Variants in KIAA1217 observed in about 807,000 individuals in gnomAD.
The protein encoded by KIAA1217 is KIAA1217.
A neutral mutation model predicts 163.9 loss-of-function variants in KIAA1217; 88 were observed. The observed-to-expected ratio is 0.54, with a 90% CI of 0.45 to 0.64. The LOEUF (loss-of-function observed/expected upper bound fraction) is 0.64. KIAA1217 is among the 30% of genes least tolerant of loss of function. The pLI is 0.00. For missense variants in KIAA1217, 2,372 were observed against 2,475.0 expected, an observed-to-expected ratio of 0.96 and a Z score of 0.88; for synonymous variants, 903 against 923.1, an observed-to-expected ratio of 0.98 and a Z score of 0.39.
chr10:24,021,677 T>C (rs1347542554), intron 2 of KIAA1217, among the ~76,000 whole-genome samples: 1 of 151,904 alleles, frequency 6.6e-6, no homozygotes, highest in African/African-American at 2.4e-5. Flanking sequence ...GGAGTGATAC[T>C]ATCCAACTTC....
At chr10:23,853,507 A>G (rs1403710952) in intron 1 of KIAA1217, among the ~76,000 whole-genome samples, 2 of 152,150 alleles carry the variant, frequency 1.3e-5, no homozygotes, top group African/African-American at 2.4e-5. Flanking sequence ...TGGCTTTGGT[A>G]TCAGGATGAT....
chr10:24,421,870 A>C (rs2058758213), intron 3 of KIAA1217, among the ~76,000 whole-genome samples: 1 of 152,188 alleles, frequency 6.6e-6, no homozygotes, highest in Admixed American at 6.5e-5. Flanking sequence ...TGCTTTACTA[A>C]TATTTTATTT....
chr10:24,067,834 G>A (rs1365066151), intron 2 of KIAA1217, among the ~76,000 whole-genome samples: 3 of 152,210 alleles, frequency 2.0e-5, no homozygotes, highest in South Asian at 2.1e-4. Flanking sequence ...ACTCAAGCCT[G>A]AGCAATGGCG....
intron 3 of KIAA1217, among the ~76,000 whole-genome samples, chr10:24,391,333 CTTTTTTTTTTTT>C (rs768727392): frequency 6.7e-5 from 2 of 29,890 alleles, no homozygotes; most frequent in Non-Finnish European, 1.0e-4. Context: ...TTCTTTCTTT[CTTTTTTTTTTTT>C]TTTTTTTTTT....
At chr10:24,205,771 T>TC, upstream of KIAA1217, among the ~76,000 whole-genome samples, 1 of 108,390 alleles carries the variant, frequency 9.2e-6, no homozygotes, top group East Asian at 2.4e-4. Flanking sequence ...AGATGCTGTC[T>TC]CAAAAAAAAA....
At chr10:24,267,959 T>C (rs1046339240) in intron 2 of KIAA1217, among the ~76,000 whole-genome samples, 1 of 152,236 alleles carries the variant, frequency 6.6e-6, no homozygotes, top group Non-Finnish European at 1.5e-5. Flanking sequence ...AAAGAGATAA[T>C]GTGCCTTCTG....
At chr10:24,465,868 G>T (rs896542651) in intron 5 of KIAA1217, among the ~76,000 whole-genome samples, 1 of 152,106 alleles carries the variant, frequency 6.6e-6, no homozygotes, top group Non-Finnish European at 1.5e-5. Flanking sequence ...GGGGCAGAAG[G>T]GCTCTGGTTT....
intron 2 of KIAA1217, among the ~76,000 whole-genome samples, chr10:24,173,541 A>C (rs886924407): frequency 2.6e-4 from 39 of 152,172 alleles, no homozygotes; most frequent in Non-Finnish European, 5.6e-4. Flanking sequence ...AAAGTTACCA[A>C]GACTACTTAG....
intron 2 of KIAA1217, among the ~76,000 whole-genome samples, chr10:24,311,206 A>G (rs2042649155): frequency 6.6e-6 from 1 of 152,120 alleles, no homozygotes; most frequent in African/African-American, 2.4e-5. Context: ...ACGTGATGCA[A>G]CCTCAGGATC....
intron 2 of KIAA1217, among the ~76,000 whole-genome samples, chr10:24,369,180 T>TGTGTGC (rs1491332639): frequency 3.2e-5 from 1 of 30,972 alleles, no homozygotes; most frequent in African/African-American, 1.0e-3. Flanking sequence ...ACTTTCACTA[T>TGTGTGC]GTGTGTGTGT....
At chr10:23,756,220 T>C (rs1011157072) in intron 1 of KIAA1217, among the ~76,000 whole-genome samples, 3 of 151,668 alleles carry the variant, frequency 2.0e-5, no homozygotes, top group African/African-American at 4.8e-5. Context: ...ACTTCAGCCT[T>C]CCAAAATGCT....
At chr10:24,403,050 A>G (rs1225561576) in intron 3 of KIAA1217, among the ~76,000 whole-genome samples, 1 of 151,982 alleles carries the variant, frequency 6.6e-6, no homozygotes, top group East Asian at 1.9e-4. Context: ...CACTTAATAC[A>G]AAAAAAACTC....
At chr10:24,152,765 G>A (rs2064680883) in intron 2 of KIAA1217, among the ~76,000 whole-genome samples, 1 of 150,718 alleles carries the variant, frequency 6.6e-6, no homozygotes, top group African/African-American at 2.4e-5. Flanking sequence ...AGATTGTGCT[G>A]ATTTATTTTA....
In KIAA1217 at chr10:24,473,792, C is replaced by A. The variant is rs768198773; in HGVS notation, c.1411C>A (p.Pro471Thr). 1 of 1,614,128 alleles carries A rather than the reference C, an allele frequency of 6.2e-7. No individual in the cohort carries two copies. The highest frequency in any genetic ancestry group is 1.1e-5 in the South Asian group (1 of 91,082). The change falls in exon 6 of 21, where the codon CCC becomes ACC. Residue 471 changes from proline to threonine, a missense_variant. Transcript: ENST00000376454. ...TTTGCCTACACTGGGCTCCAAAACACCCCCTGCCTCTCCTCACAGAGTCAG... is the reference window on the plus strand; with the variant it reads ...TTTGCCTACACTGGGCTCCAAAACAACCCCTGCCTCTCCTCACAGAGTCAG... ...SHLPTLGSKT[P>T]PASPHRVSDL...
intron 1 of KIAA1217, among the ~76,000 whole-genome samples, chr10:23,873,541 G>A (rs562982663): frequency 2.6e-5 from 4 of 152,054 alleles, no homozygotes; most frequent in South Asian, 2.1e-4. Flanking sequence ...TTAGGTAAAC[G>A]GATCTAAGCA....
rs10676755 is a variant in KIAA1217 at position 23,737,365 on chromosome 10, A to AT, written c.-321+42140dup. Among the ~76,000 whole-genome samples, 11 of 149,756 alleles carry AT rather than the reference A, an allele frequency of 7.3e-5. No individual in the cohort carries two copies. In the South Asian group the frequency reaches 1.0e-3, roughly 14 times the overall value. ...AGGTGCGCACCACCATGCCTAGCTA[A>AT]TTTTTTTTTAGTAGAGACGGGGTTT... is the stretch of plus-strand genomic sequence containing the variant. On this transcript the variant is annotated intron_variant, in intron 1 of 18. Coordinates refer to the KIAA1217 transcript ENST00000376462.
At chr10:23,985,577 C>T (rs983854137) in intron 1 of KIAA1217, among the ~76,000 whole-genome samples, 17 of 152,180 alleles carry the variant, frequency 1.1e-4, no homozygotes, top group African/African-American at 4.1e-4. Context: ...TTGATCTCAT[C>T]ATCAACGCTG....
At position 24,472,059 on chromosome 10, in the gene KIAA1217, G is replaced by C. The variant is rs1592211179; in HGVS notation, c.847-1169G>C. Among the ~76,000 whole-genome samples the C allele has an allele frequency of 2.0e-5, 3 of 152,238 alleles. No homozygotes were observed. In the South Asian group the frequency reaches 6.2e-4, roughly 32 times the overall value. ...TGTATTCACATAATCAAGTAAGCTA[G>C]AGAAAAGCAAATGTTCTTAAGTAAA... On this transcript the variant is annotated intron_variant, in intron 5 of 20. Coordinates refer to ENST00000376454, the MANE Select transcript of KIAA1217 (RefSeq NM_019590.5).
chr10:24,526,208 G>A (rs986133674), intron 13 of KIAA1217, among the ~76,000 whole-genome samples: 11 of 151,832 alleles, frequency 7.2e-5, no homozygotes, highest in East Asian at 1.9e-4. Context: ...TGGGTATATC[G>A]AGACGACCTG....
Sources: gnomAD v4.1 joint callset for allele counts (sites outside exome capture counted in the v4.1 genomes callset) on GRCh38, gnomAD v4.1.1 for gene constraint, MANE v1.5 for transcripts, NCBI Gene and HGNC (gene_info 2026-07-23, HGNC 2026-07-21) for gene names.